The following LRMDA variants were observed in gnomAD, a reference collection of about 807,000 sequenced individuals.
The protein encoded by LRMDA is leucine-rich melanocyte differentiation-associated protein.
Under a neutral mutation model 29.8 loss-of-function variants are expected in LRMDA, and 18 were observed. The ratio of observed to expected loss-of-function variants is 0.60; its 90% CI spans 0.42 to 0.90. The LOEUF (loss-of-function observed/expected upper bound fraction) is 0.90. Ranked by LOEUF, LRMDA falls within the 40% of genes least tolerant of loss-of-function variation. LRMDA has a pLI of 0.00. For synonymous variants in LRMDA, 125 were observed against 109.4 expected (o/e 1.14, Z -0.89); for missense variants, 273 against 273.9 (o/e 1.00, Z 0.02).
At chr10:76,145,193 G>T (rs543972756) in intron 5 of LRMDA, among the ~76,000 whole-genome samples, 86 of 152,218 alleles carry the variant, frequency 5.6e-4, no homozygotes, top group African/African-American at 1.8e-3. Flanking sequence ...ATCAGGATGA[G>T]GCTGGCCTCA....
intron 5 of LRMDA, among the ~76,000 whole-genome samples, chr10:76,068,922 A>G (rs1848830641): frequency 6.6e-6 from 1 of 152,236 alleles, no homozygotes; most frequent in Non-Finnish European, 1.5e-5. Flanking sequence ...GATGCTCACA[A>G]GAGAGGGGCT....
At chr10:76,511,129 T>C (rs1843005761) in intron 6 of LRMDA, among the ~76,000 whole-genome samples, 1 of 152,198 alleles carries the variant, frequency 6.6e-6, no homozygotes, top group South Asian at 2.1e-4. Context: ...GAGTCAAGAC[T>C]AATGATGCCA....
At chr10:76,207,882 T>A (rs1315743274) in intron 5 of LRMDA, among the ~76,000 whole-genome samples, 3 of 152,070 alleles carry the variant, frequency 2.0e-5, no homozygotes, top group Admixed American at 6.5e-5. Context: ...GAGAATCACT[T>A]GAACCCGGGA....
At chr10:75,703,183 GT>G (rs144498869) in intron 2 of LRMDA, among the ~76,000 whole-genome samples, 5,734 of 151,454 alleles carry the variant, frequency 0.038, 271 homozygotes, top group African/African-American at 0.11. Flanking sequence ...ATATACTGCA[GT>G]TTTTTTTTCT....
intron 5 of LRMDA, among the ~76,000 whole-genome samples, chr10:76,097,359 T>C (rs765817850): frequency 1.3e-5 from 2 of 152,200 alleles, no homozygotes; most frequent in Non-Finnish European, 2.9e-5. Context: ...GTTTCAATTC[T>C]TAGATTCTTT....
intron 5 of LRMDA, among the ~76,000 whole-genome samples, chr10:76,180,413 G>T (rs1301356990): frequency 2.7e-5 from 4 of 150,876 alleles, no homozygotes; most frequent in South Asian, 2.1e-4. Flanking sequence ...CCAAGTGGCT[G>T]GGATTACAGG....
intron 6 of LRMDA, among the ~76,000 whole-genome samples, chr10:76,485,932 C>CTA (rs1173590700): frequency 6.6e-6 from 1 of 151,968 alleles, no homozygotes. Context: ...AAAAATGAAA[C>CTA]TATACAAACA....
chr10:75,681,191 G>A (rs529685692), intron 2 of LRMDA, among the ~76,000 whole-genome samples: 1 of 152,304 alleles, frequency 6.6e-6, no homozygotes, highest in Non-Finnish European at 1.5e-5. Context: ...TTCCTTCAAT[G>A]CAGAGAGAGC....
intron 6 of LRMDA, among the ~76,000 whole-genome samples, chr10:76,389,009 C>A (rs1292631268): frequency 2.6e-5 from 4 of 152,156 alleles, no homozygotes; most frequent in Non-Finnish European, 5.9e-5. Context: ...ACCTGCCTAA[C>A]CCTGACACAG....
intron 2 of LRMDA, among the ~76,000 whole-genome samples, chr10:75,567,440 C>G (rs1188112821): frequency 6.6e-6 from 1 of 152,204 alleles, no homozygotes; most frequent in Non-Finnish European, 1.5e-5. Context: ...TAGTGACTAG[C>G]AGTTGTTTAG....
At chr10:76,375,328 A>C (rs886426320) in intron 6 of LRMDA, among the ~76,000 whole-genome samples, 1 of 152,300 alleles carries the variant, frequency 6.6e-6, no homozygotes, top group East Asian at 1.9e-4. Flanking sequence ...ATGAAAAAAA[A>C]AAATATGTTA....
chr10:76,271,992 A>T (rs555910841), intron 5 of LRMDA, among the ~76,000 whole-genome samples: 112 of 152,308 alleles, frequency 7.4e-4, no homozygotes, highest in Non-Finnish European at 1.3e-3. Context: ...ACTCAGTAAG[A>T]AAAGCTAAAA....
chr10:75,818,799 T>C (rs573594054), intron 2 of LRMDA, among the ~76,000 whole-genome samples: 19 of 152,330 alleles, frequency 1.2e-4, no homozygotes, highest in Non-Finnish European at 1.5e-4. Flanking sequence ...TACTGGCTGC[T>C]GGCACTAGTG....
chr10:76,049,827 T>C (rs1848500166), intron 4 of LRMDA, among the ~76,000 whole-genome samples: 1 of 152,232 alleles, frequency 6.6e-6, no homozygotes, highest in Non-Finnish European at 1.5e-5. Flanking sequence ...TCTAGCTGTT[T>C]CCCAGAGCCT....
chr10:76,272,790 T>C lies in LRMDA; in HGVS notation c.517-51611T>C, dbSNP rs191176888. Among the ~76,000 whole-genome samples, 488 of 152,168 alleles carry C rather than the reference T, an allele frequency of 3.2e-3. 4 individuals carry two copies. The highest frequency in any genetic ancestry group is 0.011 in the African/African-American group (466 of 41,546). The stretch of plus-strand genomic sequence containing the variant: ...GGCCTGAGGAAACTTACAATCACGG[T>C]GGAAGGCAAAGGAGAAGCGACACAC... On this transcript the variant is annotated intron_variant, in intron 5 of 6. Transcript: ENST00000611255.
At chr10:75,591,634 T>G (rs1840725284) in intron 2 of LRMDA, among the ~76,000 whole-genome samples, 1 of 152,228 alleles carries the variant, frequency 6.6e-6, no homozygotes, top group South Asian at 2.1e-4. Context: ...ATCTTGAAGT[T>G]TCCTCGCAGT....
intron 6 of LRMDA, among the ~76,000 whole-genome samples, chr10:76,446,559 A>G (rs74487125): frequency 0.011 from 1,620 of 152,276 alleles, 23 homozygotes; most frequent in Non-Finnish European, 0.016. Flanking sequence ...TTTTGTAACC[A>G]TGTTTATGTG....
chr10:76,377,819 C>T (rs900250987), intron 6 of LRMDA, among the ~76,000 whole-genome samples: 7 of 152,252 alleles, frequency 4.6e-5, no homozygotes, highest in Admixed American at 2.6e-4. Context: ...TGTGATGCCT[C>T]CAGCTTTTTT....
intron 6 of LRMDA, among the ~76,000 whole-genome samples, chr10:76,476,686 A>C (rs1842676067): frequency 6.6e-6 from 1 of 152,172 alleles, no homozygotes. Context: ...GCAGCACATC[A>C]AAAACCTTAT....
Sources: gnomAD v4.1 joint callset for allele counts (sites outside exome capture counted in the v4.1 genomes callset) on GRCh38, gnomAD v4.1.1 for gene constraint, MANE v1.5 for transcripts, NCBI Gene and HGNC (gene_info 2026-07-23, HGNC 2026-07-21) for gene names.